Variants in SLIT3 observed in about 807,000 individuals in gnomAD.
SLIT3 encodes slit guidance ligand 3.
SLIT3 carries 68 observed loss-of-function variants against 184.0 expected under a neutral mutation model. That is an observed-to-expected ratio of 0.37 (90% CI 0.30 to 0.45). The LOEUF is 0.45. Among genes scored for constraint, SLIT3 ranks in the 20% least tolerant of loss-of-function variants. The pLI is 1.00. For missense variants in SLIT3, 1,707 were observed against 2,026.0 expected (o/e 0.84, Z 3.02); for synonymous variants, 831 against 828.6 (o/e 1.00, Z -0.05).
intron 4 of SLIT3, among the ~76,000 whole-genome samples, chr5:168,898,234 T>C (rs905409732): frequency 6.6e-6 from 1 of 152,090 alleles, no homozygotes; most frequent in Non-Finnish European, 1.5e-5. Context: ...CTCCTATTGA[T>C]CATAAGAGGG....
At chr5:169,099,708 G>A (rs148715277) in intron 4 of SLIT3, among the ~76,000 whole-genome samples, 26 of 152,298 alleles carry the variant, frequency 1.7e-4, no homozygotes, top group African/African-American at 5.1e-4. Context: ...ACAGAATGCC[G>A]GTCATGACCT....
intron 1 of SLIT3, among the ~76,000 whole-genome samples, chr5:169,254,066 G>A (rs981422706): frequency 1.3e-5 from 2 of 152,216 alleles, no homozygotes; most frequent in African/African-American, 4.8e-5. Context: ...TGGGCTTTGA[G>A]GTGAGATACC....
At position 169,300,532 on chromosome 5, in the gene SLIT3, G is replaced by A. The variant is rs1767648799; in HGVS notation, c.178C>T (p.Pro60Ser). The A allele has an allele frequency of 3.3e-6, 5 of 1,508,166 alleles. No individual in the cohort carries two copies. The highest frequency in any genetic ancestry group is 2.5e-5 in the South Asian group (2 of 81,014). 93.4% of individuals were successfully genotyped at this position (1,508,166 alleles called of 1,614,324 possible). The change falls in exon 1 of 36, where the codon CCC becomes TCC. Residue 60 changes from proline (P) to serine (S), a missense_variant. Physicochemically the swap from Pro to Ser is moderately conservative, Grantham distance 74 (BLOSUM62 -1). Around this residue, in one of 3 missense-constraint regions of SLIT3, gnomAD observed 1,307 missense variants for 1,511.6 expected, o/e 0.86. Coordinates refer to ENST00000519560, the MANE Select transcript of SLIT3 (RefSeq NM_003062.4). This position sits in a 1 kb window ranked among gnomAD's most constrained non-coding sequence, Gnocchi z 4.1. Reference protein sequence around the residue: ...LGLRAVPRGIPRNAERLDLDR... With the variant: ...LGLRAVPRGISRNAERLDLDR... ...ACTCACAGGCGCTCAGCGTTGCGGG[G>A]GATGCCCCGAGGAACCGCGCGGAGG...
intron 20 of SLIT3, among the ~76,000 whole-genome samples, 165 bp downstream of exon 20, chr5:168,748,137 C>T (rs1180640760): frequency 1.3e-5 from 2 of 152,132 alleles, no homozygotes; most frequent in Non-Finnish European, 2.9e-5. Context: ...CCCATGGCTG[C>T]CATCTTGGTG....
chr5:169,288,334 A>T (rs2113655669), intron 1 of SLIT3, among the ~76,000 whole-genome samples: 1 of 141,538 alleles, frequency 7.1e-6, no homozygotes, highest in South Asian at 2.5e-4. Context: ...AATTGTTCTC[A>T]GATTAATATT....
intron 8 of SLIT3, among the ~76,000 whole-genome samples, chr5:168,812,285 G>C (rs1048117210): frequency 9.9e-5 from 15 of 152,192 alleles, no homozygotes; most frequent in Non-Finnish European, 1.9e-4. Flanking sequence ...TGGTGTTCTA[G>C]TGCCCAGTAG....
At chr5:168,761,088 G>T in intron 15 of SLIT3, 152 bp from the exon 16 acceptor site, 1 of 639,728 alleles carries the variant, frequency 1.6e-6, no homozygotes, top group Non-Finnish European at 2.8e-6. Context: ...ATCAACAGAG[G>T]GGCCCAGCAG....
At chr5:168,769,238 C>CTGA in intron 14 of SLIT3, among the ~76,000 whole-genome samples, 1 of 152,162 alleles carries the variant, frequency 6.6e-6, no homozygotes, top group African/African-American at 2.4e-5. Flanking sequence ...TTTTATATTC[C>CTGA]TCTCTGTGAT....
chr5:169,080,432 T>C (rs1758985429), intron 4 of SLIT3, among the ~76,000 whole-genome samples: 1 of 152,162 alleles, frequency 6.6e-6, no homozygotes, highest in African/African-American at 2.4e-5. Context: ...TATGATCTCC[T>C]CCACGGCCAA....
At chr5:168,709,399 G>T (rs1228758917) in intron 25 of SLIT3, among the ~76,000 whole-genome samples, 1 of 152,106 alleles carries the variant, frequency 6.6e-6, no homozygotes, top group Non-Finnish European at 1.5e-5. Context: ...CCCGGACCCT[G>T]GCTGCAGTGC....
intron 4 of SLIT3, among the ~76,000 whole-genome samples, chr5:168,894,472 C>A (rs899261680): frequency 1.5e-4 from 23 of 152,152 alleles, no homozygotes; most frequent in Non-Finnish European, 1.8e-4. Context: ...CCAGTTTGTC[C>A]CTTTGGATTA....
At chr5:168,825,864 C>A (rs1267911683) in intron 6 of SLIT3, among the ~76,000 whole-genome samples, 1 of 152,204 alleles carries the variant, frequency 6.6e-6, no homozygotes, top group Non-Finnish European at 1.5e-5. Context: ...GCCTCCAGGG[C>A]AGAAATGATC....
At chr5:168,910,895 G>T (rs1158973006) in intron 4 of SLIT3, among the ~76,000 whole-genome samples, 1 of 152,120 alleles carries the variant, frequency 6.6e-6, no homozygotes, top group Non-Finnish European at 1.5e-5. Context: ...CTTCAGAAGG[G>T]CAACTAGAGC....
At chr5:168,914,123 C>G in intron 4 of SLIT3, among the ~76,000 whole-genome samples, 1 of 152,212 alleles carries the variant, frequency 6.6e-6, no homozygotes, top group Non-Finnish European at 1.5e-5. Context: ...GAACAGTGAA[C>G]TTCAAGGTAC....
intron 5 of SLIT3, among the ~76,000 whole-genome samples, chr5:168,873,311 G>A (rs1176780023): frequency 6.6e-6 from 1 of 152,084 alleles, no homozygotes; most frequent in Non-Finnish European, 1.5e-5. Context: ...TAGTGGTCCT[G>A]CAAGACTGTT....
At chr5:169,277,052 C>G (rs1766831943) in intron 1 of SLIT3, among the ~76,000 whole-genome samples, 1 of 152,190 alleles carries the variant, frequency 6.6e-6, no homozygotes, top group Non-Finnish European at 1.5e-5. Context: ...TGTACCCATT[C>G]AGCCCTAACT....
intron 1 of SLIT3, among the ~76,000 whole-genome samples, chr5:169,263,013 G>A (rs1025209627): frequency 6.6e-6 from 1 of 152,168 alleles, no homozygotes; most frequent in Non-Finnish European, 1.5e-5. Flanking sequence ...CATTAGGGTG[G>A]ACCCTAATCC....
At chr5:169,157,526 C>T (rs977947262) in intron 4 of SLIT3, among the ~76,000 whole-genome samples, 2 of 152,176 alleles carry the variant, frequency 1.3e-5, no homozygotes, top group African/African-American at 4.8e-5. Flanking sequence ...GGATTTCCAC[C>T]CCTATCTGGC....
intron 4 of SLIT3, among the ~76,000 whole-genome samples, chr5:168,955,732 T>C (rs972676154): frequency 6.6e-6 from 1 of 152,154 alleles, no homozygotes; most frequent in Admixed American, 6.5e-5. Flanking sequence ...GGCTAAGAGC[T>C]GGGAATTGAA....
Sources: gnomAD v4.1 joint callset for allele counts (sites outside exome capture counted in the v4.1 genomes callset) on GRCh38, gnomAD v4.1.1 for gene constraint, gnomAD v4.1.1 regional missense constraint, Gnocchi (gnomAD v3.1) non-coding constraint, MANE v1.5 for transcripts, NCBI Gene and HGNC (gene_info 2026-07-23, HGNC 2026-07-21) for gene names.